NEK10: variants seen among roughly 807,000 people sequenced by gnomAD.
The protein encoded by NEK10 is NIMA related kinase 10.
In NEK10, 122 loss-of-function variants were observed where a neutral mutation model predicts 159.8. The observed-to-expected ratio is 0.76, with a 90% CI of 0.66 to 0.89. NEK10 has a LOEUF of 0.89. Ranked by LOEUF, NEK10 falls within the 40% of genes least tolerant of loss-of-function variation. The probability of loss-of-function intolerance (pLI) is 0.00; values close to 1 mark genes in which losing one functional copy is unlikely to be tolerated. For missense variants in NEK10, 1,342 were observed against 1,323.1 expected (o/e 1.01, Z -0.22); for synonymous variants, 466 against 457.1 (o/e 1.02, Z -0.25).
At chr3:27,135,721 A>G (rs1168920964) in intron 31 of NEK10, among the ~76,000 whole-genome samples, 1 of 152,242 alleles carries the variant, frequency 6.6e-6, no homozygotes, top group Non-Finnish European at 1.5e-5. Context: ...TAAATGCTAA[A>G]ACAGAATGTT....
intron 5 of NEK10, among the ~76,000 whole-genome samples, chr3:27,325,989 T>C (rs1313424287): frequency 2.0e-5 from 3 of 152,182 alleles, no homozygotes; most frequent in Non-Finnish European, 2.9e-5. Flanking sequence ...AGAGTCAGGA[T>C]TCAACCAATC....
chr3:27,157,516 A>C lies in NEK10; in HGVS notation c.2869+5185T>G, dbSNP rs148958971. On this transcript the variant is annotated intron_variant, in intron 30 of 35. Transcript: ENST00000691995. ...GACTGAATTGCTGCAGTCTCATCCA[A>C]AAGCTTGAATGGATGAGCAGTTGCT... 1.9e-3 allele frequency among the ~76,000 whole-genome samples: 289 copies of C among 152,294 alleles called. 2 individuals are homozygous for C. The highest frequency in any genetic ancestry group is 3.6e-3 in the Non-Finnish European group (242 of 68,016).
chr3:27,215,027 C>T, intron 23 of NEK10: 2 of 601,036 alleles, frequency 3.3e-6, no homozygotes, highest in East Asian at 5.6e-5. Context: ...GACCTGTTCC[C>T]CACCGGCGCC....
intron 5 of NEK10, among the ~76,000 whole-genome samples, chr3:27,333,786 A>G (rs2046600204): frequency 6.6e-6 from 1 of 152,132 alleles, no homozygotes; most frequent in Non-Finnish European, 1.5e-5. Flanking sequence ...CCTGGAAGCC[A>G]GCAGTGCTGG....
intron 26 of NEK10, among the ~76,000 whole-genome samples, chr3:27,187,500 G>A (rs1490183729): frequency 6.6e-6 from 1 of 152,078 alleles, no homozygotes; most frequent in African/African-American, 2.4e-5. Context: ...GGGACTAGAT[G>A]GAAACCAAGG....
chr3:27,120,332 T>A (rs779749209), intron 32 of NEK10, among the ~76,000 whole-genome samples: 2 of 151,760 alleles, frequency 1.3e-5, no homozygotes, highest in Non-Finnish European at 2.9e-5. Context: ...TTTTTCTTTT[T>A]TTTTTTTCTG....
intron 23 of NEK10, among the ~76,000 whole-genome samples, chr3:27,240,940 C>T (rs1954489763): frequency 6.6e-6 from 1 of 152,138 alleles, no homozygotes; most frequent in African/African-American, 2.4e-5. Context: ...AGGCATGAGC[C>T]ACCATGCCTG....
At chr3:27,156,475 TC>T in intron 30 of NEK10, among the ~76,000 whole-genome samples, 1 of 151,504 alleles carries the variant, frequency 6.6e-6, no homozygotes, top group East Asian at 1.9e-4. Flanking sequence ...AACAATCCTA[TC>T]AAAAAGTGGG....
rs1338726334 is a variant in NEK10, at chr3:27,322,263, T to A, written c.363-2A>T. 1.3e-6 allele frequency: 2 copies of A among 1,520,030 alleles called. No individual in the cohort carries two copies. Among genetic ancestry groups the A allele is most frequent in the South Asian group, 1.2e-5 (1 of 83,626 alleles). 94.2% of individuals were successfully genotyped at this position (1,520,030 alleles called of 1,614,324 possible). ...GATGGGGCTCGATTAACCCACTCTC[T>A]GAAAGAAGAAAACAAGAGAACATGT... On this transcript the variant is annotated splice_acceptor_variant, in intron 5 of 35. Transcript: ENST00000691995. LOFTEE classifies it high-confidence loss of function.
rs1198208124 is a variant in NEK10 at position 27,106,814 on chromosome 3, A to G, written c.*4458T>C. 6.6e-6 allele frequency among the ~76,000 whole-genome samples: 1 copy of G among 152,220 alleles called. No homozygotes were observed. Among genetic ancestry groups the G allele is most frequent in the Non-Finnish European group, 1.5e-5 (1 of 68,038 alleles). On this transcript the variant is annotated 3_prime_UTR_variant, in exon 36 of 36. Coordinates refer to ENST00000691995, the MANE Select transcript of NEK10 (RefSeq NM_001394966.1). ...TCTGGATTTGTTGATTGTCAAAATG[A>G]CAGTCAGCCATAATCCTCCATACAT...
At chr3:27,308,297 T>C (rs950093703) in intron 10 of NEK10, among the ~76,000 whole-genome samples, 1 of 152,120 alleles carries the variant, frequency 6.6e-6, no homozygotes, top group Non-Finnish European at 1.5e-5. Context: ...CCACCTGGTC[T>C]CTCCCTTGAC....
chr3:27,271,302 G>A (rs1426800275), intron 22 of NEK10, among the ~76,000 whole-genome samples: 2 of 151,882 alleles, frequency 1.3e-5, no homozygotes, highest in Non-Finnish European at 2.9e-5. Flanking sequence ...TCACAAACTA[G>A]ATGGCTTGCT....
At chr3:27,301,198 T>A (rs996808329) in intron 13 of NEK10, among the ~76,000 whole-genome samples, 1 of 152,210 alleles carries the variant, frequency 6.6e-6, no homozygotes, top group African/African-American at 2.4e-5. Flanking sequence ...AAAGCATTGA[T>A]GCATTGCTGC....
At chr3:27,127,951 T>C (rs1234163278) in intron 32 of NEK10, among the ~76,000 whole-genome samples, 2 of 152,120 alleles carry the variant, frequency 1.3e-5, no homozygotes, top group Non-Finnish European at 2.9e-5. Flanking sequence ...ACTTTTCCTA[T>C]GGATTTCCTG....
At chr3:27,152,857 A>G (rs1168650618) in intron 30 of NEK10, among the ~76,000 whole-genome samples, 1 of 152,216 alleles carries the variant, frequency 6.6e-6, no homozygotes, top group Non-Finnish European at 1.5e-5. Context: ...TGAGCAAGGT[A>G]GCTATTCTTA....
At chr3:27,118,123 GT>G (rs1940752028) in intron 33 of NEK10, among the ~76,000 whole-genome samples, 1 of 152,114 alleles carries the variant, frequency 6.6e-6, no homozygotes, top group Admixed American at 6.5e-5. Flanking sequence ...AGATCAGATG[GT>G]TCCAGATGTA....
intron 23 of NEK10, among the ~76,000 whole-genome samples, chr3:27,254,592 G>A (rs1180650621): frequency 2.0e-5 from 3 of 152,130 alleles, no homozygotes; most frequent in African/African-American, 7.2e-5. Flanking sequence ...CAAATTCATA[G>A]TAAAACCTAT....
chr3:27,285,757 G>C (rs144429040), intron 20 of NEK10, among the ~76,000 whole-genome samples: 1 of 152,206 alleles, frequency 6.6e-6, no homozygotes, highest in Non-Finnish European at 1.5e-5. Flanking sequence ...TGTAGAAAAT[G>C]TTGACAAAAA....
rs2044105187 is a variant in NEK10 at position 27,304,760 on chromosome 3, G to A, written c.1015C>T (p.His339Tyr). Residue 339 changes from histidine (H) to tyrosine (Y), a missense_variant, in exon 12 of 36, where the codon CAT becomes TAT. His to Tyr is a moderately conservative substitution (Grantham distance 83, BLOSUM62 2). Coordinates refer to ENST00000691995, the MANE Select transcript of NEK10 (RefSeq NM_001394966.1). ...RIWGGIKQLL[H>Y]ILQGDRNFVS... The stretch of plus-strand genomic sequence containing the variant: ...ACTTTTACTCACCCTTGTAAAATAT[G>A]AAGAAGCTGTTTGATGCCTCCCCAA... 1 of 1,611,830 alleles carries A rather than the reference G, an allele frequency of 6.2e-7. No individual in the cohort carries two copies. Among genetic ancestry groups the A allele is most frequent in the South Asian group, 1.1e-5 (1 of 91,030 alleles).
Sources: gnomAD v4.1 joint callset for allele counts (sites outside exome capture counted in the v4.1 genomes callset) on GRCh38, gnomAD v4.1.1 for gene constraint, MANE v1.5 for transcripts, NCBI Gene and HGNC (gene_info 2026-07-23, HGNC 2026-07-21) for gene names.